Variants in CATIP observed in about 807,000 individuals in gnomAD.
The protein encoded by CATIP is ciliogenesis-associated TTC17-interacting protein.
CATIP carries 40 observed loss-of-function variants against 42.5 expected under a neutral mutation model. The ratio of observed to expected loss-of-function variants is 0.94; its 90% CI spans 0.73 to 1.22. The LOEUF is 1.22. CATIP is among the 50% of genes most tolerant of loss of function. The pLI is 0.00. For missense variants in CATIP, 489 were observed against 496.0 expected (o/e 0.99, Z 0.13); for synonymous variants, 222 against 200.2 (o/e 1.11, Z -0.92).
At position 218,362,813 on chromosome 2, in the gene CATIP, C is replaced by T. The variant is rs1695280982; in HGVS notation, c.541C>T (p.Leu181Phe). The change falls in exon 6 of 10, where the codon CTC becomes TTC. Residue 181 changes from leucine to phenylalanine, a missense_variant. Coordinates refer to ENST00000289388, the MANE Select transcript of CATIP (RefSeq NM_198559.2). ...FISEAANLVL[L>F]RVMAWRRMVP... ...CTCAGAGGCTGCCAACCTGGTGCTG[C>T]TCAGGGTGATGGCCTGGCGGCGGAT... 1.9e-6 allele frequency: 3 copies of T among 1,614,138 alleles called. No individual in the cohort carries two copies. Among genetic ancestry groups the T allele is most frequent in the East Asian group, 2.2e-5 (1 of 44,882 alleles).
At chr2:218,358,883 CAAAAAAA>C (rs34797850) in intron 4 of CATIP, among the ~76,000 whole-genome samples, 4 of 123,732 alleles carry the variant, frequency 3.2e-5, no homozygotes, top group African/African-American at 9.4e-5. Flanking sequence ...GACCCTGTCT[CAAAAAAA>C]AAAAAAAAAG....
rs1695198835 is a variant in CATIP, at chr2:218,360,581, C to T, written c.384C>T (p.Ile128=). ...CATGCTCTGGCCCTCAGTTCCTCAT[C>T]CTCCCCATGGAACGGAAGATGAGTT... ...QHSQDFIKFL[I]LPMERKMSLL... is the part of the protein sequence containing the mutation. Residue 128 remains isoleucine (I), a synonymous_variant, in exon 5 of 10, where the codon ATC becomes ATT. Coordinates refer to ENST00000289388, the MANE Select transcript of CATIP (RefSeq NM_198559.2). 1.2e-6 allele frequency: 2 copies of T among 1,613,672 alleles called. No individual in the cohort carries two copies. Among genetic ancestry groups the T allele is most frequent in the South Asian group, 1.1e-5 (1 of 91,060 alleles).
Position 218,358,387 on chromosome 2 carries a change from T to C in CATIP, c.375+295T>C, listed in dbSNP as rs1426368785. On this transcript the variant is annotated intron_variant, in intron 4 of 9. Coordinates refer to ENST00000289388, the MANE Select transcript of CATIP (RefSeq NM_198559.2). ...GAGTTCGAGACCAGCCTGGCCAACA[T>C]AGCGAAACCTCATCTGTACAAAAAT... 3.3e-5 allele frequency among the ~76,000 whole-genome samples: 5 copies of C among 151,152 alleles called. No homozygotes were observed. The East Asian group carries it at 7.9e-4, about 24-fold the overall frequency.
intron 6 of CATIP, 61 bp downstream of exon 6, chr2:218,362,963 G>A: frequency 6.6e-7 from 1 of 1,506,774 alleles, no homozygotes; most frequent in Non-Finnish European, 9.0e-7. Context: ...GGCGTGAAAA[G>A]CACTGAGATG....
intron 5 of CATIP, among the ~76,000 whole-genome samples, chr2:218,361,839 G>A (rs756842761): frequency 4.6e-5 from 7 of 152,138 alleles, no homozygotes; most frequent in Admixed American, 2.0e-4. Context: ...TCAGAACTCT[G>A]AGCGGGGACC....
intron 6 of CATIP, among the ~76,000 whole-genome samples, chr2:218,364,002 C>G (rs1695334420): frequency 1.3e-5 from 2 of 152,148 alleles, no homozygotes; most frequent in Admixed American, 1.3e-4. Context: ...TAAAGCCATG[C>G]CACTGAACAC....
Position 218,357,518 on chromosome 2 carries a change from G to A in CATIP, c.119-16G>A, listed in dbSNP as rs200838081. Reference sequence around the variant, plus strand: ...GAGCAGGGGCTTTATCTGTTCCCACGGGCCCCTCACCCCAGACAAGGAGGA... The same window carrying A: ...GAGCAGGGGCTTTATCTGTTCCCACAGGCCCCTCACCCCAGACAAGGAGGA... On this transcript the variant is annotated splice_polypyrimidine_tract_variant and intron_variant, in intron 2 of 9. Coordinates refer to ENST00000289388, the MANE Select transcript of CATIP (RefSeq NM_198559.2). 7.9e-5 allele frequency: 127 copies of A among 1,610,726 alleles called. No homozygotes were observed. The highest frequency in any genetic ancestry group is 1.0e-4 in the Non-Finnish European group (119 of 1,178,022).
chr2:218,364,884 C>A (rs1695372052), intron 7 of CATIP, 132 bp downstream of exon 7: 1 of 1,014,640 alleles, frequency 9.9e-7, no homozygotes, highest in Non-Finnish European at 1.4e-6. Context: ...TTATCCATAT[C>A]ATTCACTCTT....
rs749165028 is a variant in CATIP at position 218,368,016 on chromosome 2, G to T, written c.*52G>T. The T allele has an allele frequency of 4.1e-6, 6 of 1,456,466 alleles. No individual in the cohort carries two copies. The South Asian group carries it at 8.3e-5, about 20-fold the overall frequency. The allele number at this position is 1,456,466 out of a possible 1,614,324, so 90.2% of individuals were successfully genotyped here. A position where few individuals can be genotyped will look rare whatever the true frequency, so the allele number is the denominator to read the frequency against. On this transcript the variant is annotated 3_prime_UTR_variant, in exon 10 of 10. Transcript: ENST00000289388. ...GAAACCAGGGGTCGGGCTGGGACGC[G>T]GGCGGGACGCGCCGGGGCGGGTGCG...
chr2:218,357,067 G>A (rs571073505), intron 1 of CATIP, 28 bp from the exon 2 acceptor site: 3 of 1,599,534 alleles, frequency 1.9e-6, no homozygotes. Flanking sequence ...CCCAGGGTCT[G>A]CCATCTTAGC....
chr2:218,362,017 AG>A (rs931619905), intron 5 of CATIP, among the ~76,000 whole-genome samples: 1 of 94,568 alleles, frequency 1.1e-5, no homozygotes, highest in Non-Finnish European at 1.9e-5. Flanking sequence ...CTCCAGAAAA[AG>A]GAAAAAAAAA....
chr2:218,357,257 C>A, intron 2 of CATIP, 70 bp downstream of exon 2: 1 of 1,030,808 alleles, frequency 9.7e-7, no homozygotes, highest in Non-Finnish European at 1.4e-6. Context: ...GAAGAAAGTC[C>A]AGTCTCTCTC....
chr2:218,367,536 C>G lies in CATIP; in HGVS notation c.921+18C>G. 6.2e-7 allele frequency: 1 copy of G among 1,612,740 alleles called. No individual in the cohort carries two copies. The highest frequency in any genetic ancestry group is 1.7e-5 in the Admixed American group (1 of 60,014). ...ACCGGAAGGTGAGGGGAGGCTCCAC[C>G]AGCCTGGGGTTCCCATTCCCCCATG... On this transcript the variant is annotated intron_variant, in intron 9 of 9. Transcript: ENST00000289388.
At chr2:218,360,836 T>G (rs547885311) in intron 5 of CATIP, among the ~76,000 whole-genome samples, 177 bp downstream of exon 5, 7 of 151,648 alleles carry the variant, frequency 4.6e-5, no homozygotes, top group African/African-American at 1.2e-4. Context: ...CTTGTTTTTT[T>G]TTTTTTTTTT....
At chr2:218,360,139 T>TTTTGTTTG (rs34103015) in intron 4 of CATIP, among the ~76,000 whole-genome samples, 7,499 of 149,498 alleles carry the variant, frequency 0.05, 274 homozygotes, top group Non-Finnish European at 0.077. Flanking sequence ...CTGCTTGGTT[T>TTTTGTTTG]TTTGTTTGTT....
rs1354124866 is a variant in CATIP, at chr2:218,367,848, T to G, written c.1048T>G (p.Phe350Val). The change falls in exon 10 of 10, where the codon TTC (phenylalanine) becomes GTC (valine). Residue 350 changes from phenylalanine (F) to valine (V), a missense_variant. Coordinates refer to ENST00000289388, the MANE Select transcript of CATIP (RefSeq NM_198559.2). ...PEDVVTFAAE[F>V]FGPFDPWRPS... ...GGACGTGGTCACCTTCGCCGCCGAGTTCTTCGGCCCCTTCGACCCGTGGCG... is the reference window on the plus strand; with the variant it reads ...GGACGTGGTCACCTTCGCCGCCGAGGTCTTCGGCCCCTTCGACCCGTGGCG... The G allele has an allele frequency of 8.1e-6, 13 of 1,613,056 alleles. No homozygotes were observed. Among genetic ancestry groups the G allele is most frequent in the Non-Finnish European group, 1.1e-5 (13 of 1,179,876 alleles).
At chr2:218,364,557 A>G in intron 6 of CATIP, 71 bp from the exon 7 acceptor site, 1 of 1,578,746 alleles carries the variant, frequency 6.3e-7, no homozygotes, top group South Asian at 1.2e-5. Context: ...GAAAAGGCTA[A>G]GGTAAGATGA....
chr2:218,357,677 G>A lies in CATIP; in HGVS notation c.262G>A (p.Val88Met), dbSNP rs761316092. The A allele has an allele frequency of 2.5e-6, 4 of 1,614,038 alleles. No homozygotes were observed. Among genetic ancestry groups the A allele is most frequent in the Non-Finnish European group, 3.4e-6 (4 of 1,180,006 alleles). Reference protein sequence around the residue: ...KLGMLTYCLFVHASSRGFLDK... With the variant: ...KLGMLTYCLFMHASSRGFLDK... Reference sequence around the variant, plus strand: ...CGGCATGCTGACATACTGCCTCTTCGTGCATGCCTCTAGCCGAGGCTTCTT... The same window carrying A: ...CGGCATGCTGACATACTGCCTCTTCATGCATGCCTCTAGCCGAGGCTTCTT... Residue 88 changes from valine (V) to methionine (M), a missense_variant, in exon 3 of 10, where the codon GTG becomes ATG. Val to Met is a conservative substitution (Grantham distance 21). Transcript: ENST00000289388.
rs565054313 is a variant in CATIP, at chr2:218,360,299, G to A, written c.376-274G>A. ...CCCAAGTAGCTGAGACTACAGGCATGTGCCACCACACCCAGCTAATTTTTG... is the reference window on the plus strand; with the variant it reads ...CCCAAGTAGCTGAGACTACAGGCATATGCCACCACACCCAGCTAATTTTTG... On this transcript the variant is annotated intron_variant, in intron 4 of 9. Transcript: ENST00000289388. Among the ~76,000 whole-genome samples the A allele has an allele frequency of 1.6e-4, 24 of 152,186 alleles. No homozygotes were observed. The East Asian group carries it at 3.5e-3, about 22-fold the overall frequency.
Sources: gnomAD v4.1 joint callset for allele counts (sites outside exome capture counted in the v4.1 genomes callset) on GRCh38, gnomAD v4.1.1 for gene constraint, MANE v1.5 for transcripts, NCBI Gene and HGNC (gene_info 2026-07-23, HGNC 2026-07-21) for gene names.